The following NUP35 variants were observed in gnomAD, a reference collection of about 807,000 sequenced individuals.
NUP35 encodes nucleoporin NUP35.
A neutral mutation model predicts 41.5 loss-of-function variants in NUP35; 25 were observed. The observed-to-expected ratio is 0.60, with a 90% confidence interval of 0.44 to 0.84. The LOEUF (loss-of-function observed/expected upper bound fraction) is 0.84, where lower values mean the gene tolerates loss of function less well. Ranked by LOEUF, NUP35 falls within the 40% of genes least tolerant of loss-of-function variation. NUP35 has a pLI of 0.00. For missense variants in NUP35, 396 were observed against 396.6 expected (o/e 1.00, Z 0.01); for synonymous variants, 149 against 130.7 (o/e 1.14, Z -0.96).
chr2:183,124,571 G>C (rs1174929941), intron 1 of NUP35, 74 bp downstream of exon 1: 2 of 1,584,030 alleles, frequency 1.3e-6, no homozygotes, highest in Non-Finnish European at 1.7e-6. Flanking sequence ...AAGACTGAAA[G>C]GCAGTCGTCA....
chr2:183,159,208 G>T (rs186585861), intron 7 of NUP35, among the ~76,000 whole-genome samples: 1 of 152,090 alleles, frequency 6.6e-6, no homozygotes, highest in Admixed American at 6.6e-5. Flanking sequence ...TTTTGTCCTT[G>T]CTGATTTTTC....
intron 5 of NUP35, among the ~76,000 whole-genome samples, chr2:183,155,548 AT>A (rs1402844748): frequency 1.4e-5 from 2 of 143,372 alleles, no homozygotes; most frequent in African/African-American, 5.1e-5. Flanking sequence ...CTTCTTTTAC[AT>A]TTACATTTTT....
At chr2:183,139,232 A>G (rs1313711098) in intron 4 of NUP35, among the ~76,000 whole-genome samples, 1 of 149,660 alleles carries the variant, frequency 6.7e-6, no homozygotes, top group Non-Finnish European at 1.5e-5. Context: ...TTTTTGAGAA[A>G]AGATCTCGCT....
At chr2:183,124,368 A>T (rs1700114213), upstream of NUP35, 10 of 1,611,408 alleles carry the variant, frequency 6.2e-6, no homozygotes, top group Middle Eastern at 1.6e-4. Context: ...CAACCCCATA[A>T]GGTAGCACGC....
intron 5 of NUP35, among the ~76,000 whole-genome samples, chr2:183,155,746 A>C (rs1316918100): frequency 1.3e-5 from 2 of 152,050 alleles, no homozygotes; most frequent in Non-Finnish European, 2.9e-5. Flanking sequence ...TGTTTTTGAA[A>C]ATAGGTACCC....
intron 7 of NUP35, 61 bp downstream of exon 7, chr2:183,158,472 A>C: frequency 1.4e-6 from 2 of 1,424,790 alleles, no homozygotes; most frequent in Non-Finnish European, 1.9e-6. Context: ...AAGACCAAGG[A>C]TTGAAATTGG....
chr2:183,156,219 C>T (rs6754942), intron 5 of NUP35, among the ~76,000 whole-genome samples: 77,479 of 152,010 alleles, frequency 0.51, 21,139 homozygotes, highest in East Asian at 0.77. Context: ...TGATCTCTGC[C>T]CTGTAGGCAC....
At chr2:183,125,840 A>G (rs2105534850) in intron 1 of NUP35, among the ~76,000 whole-genome samples, 1 of 152,366 alleles carries the variant, frequency 6.6e-6, no homozygotes, top group African/African-American at 2.4e-5. Context: ...TGACTTCAAC[A>G]AACTGCTAGC....
At chr2:183,160,087 C>T (rs1390947465) in intron 8 of NUP35, 1 of 157,108 alleles carries the variant, frequency 6.4e-6, no homozygotes, top group Non-Finnish European at 1.4e-5. Flanking sequence ...AAAAATTTCT[C>T]ACTTCAAAAA....
At chr2:183,144,537 A>G (rs1259215196) in intron 4 of NUP35, among the ~76,000 whole-genome samples, 3 of 152,178 alleles carry the variant, frequency 2.0e-5, no homozygotes, top group Non-Finnish European at 2.9e-5. Flanking sequence ...TTAGTGGTCT[A>G]TTTTGAAATA....
At chr2:183,138,846 T>A (rs1280080888) in intron 4 of NUP35, among the ~76,000 whole-genome samples, 5 of 152,228 alleles carry the variant, frequency 3.3e-5, no homozygotes. Flanking sequence ...ATAGTAGCAC[T>A]TTATGGCTGC....
chr2:183,156,485 G>A (rs1424615961), intron 5 of NUP35, among the ~76,000 whole-genome samples: 4 of 152,056 alleles, frequency 2.6e-5, no homozygotes, highest in African/African-American at 7.2e-5. Flanking sequence ...GATTACAGGT[G>A]CCCGCCACCA....
chr2:183,148,341 TTGAA>T (rs1685350161), intron 4 of NUP35, among the ~76,000 whole-genome samples: 1 of 152,220 alleles, frequency 6.6e-6, no homozygotes, highest in East Asian at 1.9e-4. Flanking sequence ...AATTGTTGGA[TTGAA>T]TGGTAGTTCT....
At chr2:183,129,002 C>T (rs564453794) in intron 2 of NUP35, among the ~76,000 whole-genome samples, 8 of 152,104 alleles carry the variant, frequency 5.3e-5, no homozygotes, top group African/African-American at 1.2e-4. Context: ...ATTTCTGTGT[C>T]GGAGATGTCA....
intron 2 of NUP35, 93 bp downstream of exon 2, chr2:183,128,550 G>T (rs1206907627): frequency 1.6e-5 from 12 of 757,668 alleles, no homozygotes; most frequent in Non-Finnish European, 2.0e-5. Flanking sequence ...AAGAAGAATT[G>T]ACTTGGGCCA....
At position 183,146,844 on chromosome 2, in the gene NUP35, G is replaced by A. The variant is rs572381176; in HGVS notation, c.398-4664G>A. The stretch of plus-strand genomic sequence containing the variant: ...ACTCGTGACCTCAGGTGATCCAAAC[G>A]CCTTGGCCTCCCAAAGTGCTAGGAT... On this transcript the variant is annotated intron_variant, in intron 4 of 8. Coordinates refer to ENST00000295119, the MANE Select transcript of NUP35 (RefSeq NM_138285.5). 3.3e-5 allele frequency among the ~76,000 whole-genome samples: 5 copies of A among 152,184 alleles called. No homozygotes were observed. The East Asian group carries it at 5.8e-4, about 18-fold the overall frequency.
intron 4 of NUP35, among the ~76,000 whole-genome samples, chr2:183,144,475 C>T (rs998527056): frequency 5.9e-5 from 9 of 152,114 alleles, no homozygotes; most frequent in East Asian, 1.9e-4. Context: ...TCATTTGGCT[C>T]GTATCTATTT....
chr2:183,159,678 G>C (rs1224637408), intron 8 of NUP35, 26 bp downstream of exon 8: 2 of 1,584,146 alleles, frequency 1.3e-6, no homozygotes, highest in South Asian at 2.2e-5. Flanking sequence ...GATAAAAAAA[G>C]ATGTACTTTA....
At chr2:183,122,565 C>G (rs999104403), upstream of NUP35, among the ~76,000 whole-genome samples, 2 of 152,160 alleles carry the variant, frequency 1.3e-5, no homozygotes, top group Non-Finnish European at 2.9e-5. Context: ...ACACTCATAT[C>G]AAATCCATCT....
Sources: gnomAD v4.1 joint callset for allele counts (sites outside exome capture counted in the v4.1 genomes callset) on GRCh38, gnomAD v4.1.1 for gene constraint, MANE v1.5 for transcripts, NCBI Gene and HGNC (gene_info 2026-07-23, HGNC 2026-07-21) for gene names.